Variants in MCTP1 observed in about 807,000 individuals in gnomAD.
MCTP1 encodes multiple C2 and transmembrane domain containing 1.
In MCTP1, 69 loss-of-function variants were observed where a neutral mutation model predicts 120.6. The observed-to-expected ratio is 0.57, with a 90% CI of 0.47 to 0.70. The LOEUF is 0.70. Ranked by LOEUF, MCTP1 falls within the 30% of genes least tolerant of loss-of-function variation. MCTP1 has a pLI of 0.00. For missense variants in MCTP1, 1,203 were observed against 1,248.8 expected (o/e 0.96, Z 0.55); for synonymous variants, 529 against 493.1 (o/e 1.07, Z -0.96).
chr5:95,219,153 G>T (rs758412870), intron 1 of MCTP1, among the ~76,000 whole-genome samples: 1 of 152,048 alleles, frequency 6.6e-6, no homozygotes, highest in Non-Finnish European at 1.5e-5. Flanking sequence ...AGGCCAAGGC[G>T]GGTGGATCAT....
At chr5:94,967,460 C>T (rs1825887641) in intron 2 of MCTP1, among the ~76,000 whole-genome samples, 1 of 152,160 alleles carries the variant, frequency 6.6e-6, no homozygotes, top group South Asian at 2.1e-4. Context: ...AACTAGGCTG[C>T]TGGAACCTGA....
chr5:94,767,585 A>G (rs983294324), intron 19 of MCTP1, among the ~76,000 whole-genome samples: 1 of 152,200 alleles, frequency 6.6e-6, no homozygotes, highest in African/African-American at 2.4e-5. Flanking sequence ...CAAAATCAAC[A>G]TACAAAAATC....
At chr5:95,127,168 T>C (rs1009971910) in intron 1 of MCTP1, among the ~76,000 whole-genome samples, 18 of 152,284 alleles carry the variant, frequency 1.2e-4, no homozygotes, top group African/African-American at 4.1e-4. Flanking sequence ...TAAAATATTC[T>C]TGAAGGGTCC....
chr5:95,146,646 G>T (rs1582362512), intron 1 of MCTP1, among the ~76,000 whole-genome samples: 1 of 152,070 alleles, frequency 6.6e-6, no homozygotes, highest in East Asian at 1.9e-4. Context: ...GTTCACCCAA[G>T]AGTTACTTCA....
In MCTP1 at chr5:94,962,110, C is replaced by T. The variant is rs145881777; in HGVS notation, c.839-8749G>A. On this transcript the variant is annotated intron_variant, in intron 2 of 22. Coordinates refer to ENST00000515393, the MANE Select transcript of MCTP1 (RefSeq NM_024717.7). ...ACAGTGCAATGCCACCTTACTCCTG[C>T]GCAAATGGCTATAATAATAATAAAA... Among the ~76,000 whole-genome samples the T allele has an allele frequency of 7.0e-4, 106 of 150,660 alleles. No individual in the cohort carries two copies. In the East Asian group the frequency reaches 7.2e-3, roughly 10 times the overall value.
intron 1 of MCTP1, among the ~76,000 whole-genome samples, chr5:95,191,105 C>T (rs532958129): frequency 1.5e-4 from 23 of 151,986 alleles, no homozygotes; most frequent in African/African-American, 5.5e-4. Context: ...ATATAAATTG[C>T]TAACTATTCT....
chr5:94,733,201 G>T (rs1561543088), intron 19 of MCTP1, among the ~76,000 whole-genome samples: 1 of 152,178 alleles, frequency 6.6e-6, no homozygotes, highest in Non-Finnish European at 1.5e-5. Context: ...AGAACAGGGA[G>T]AGCAAAGAAT....
intron 1 of MCTP1, among the ~76,000 whole-genome samples, chr5:95,212,275 A>C (rs1249966238): frequency 6.6e-6 from 1 of 152,124 alleles, no homozygotes; most frequent in South Asian, 2.1e-4. Flanking sequence ...AGAATGGATA[A>C]ATTCCTCCAC....
intron 1 of MCTP1, among the ~76,000 whole-genome samples, chr5:95,103,967 C>G (rs1001692374): frequency 6.6e-6 from 1 of 152,146 alleles, no homozygotes; most frequent in Non-Finnish European, 1.5e-5. Context: ...AGTGCCTGTC[C>G]ATTCCTGTGA....
chr5:95,121,155 G>A (rs938814661), intron 1 of MCTP1, among the ~76,000 whole-genome samples: 1 of 151,842 alleles, frequency 6.6e-6, no homozygotes, highest in Admixed American at 6.6e-5. Flanking sequence ...GCGGGTGCCT[G>A]TAGTCCCAGC....
rs114975133 is a variant in MCTP1, at chr5:94,757,954, G to A, written c.2610+21156C>T. On this transcript the variant is annotated intron_variant, in intron 19 of 22. Transcript: ENST00000515393. ...AAGGGAGTCTTGGGAAACAGGCACT[G>A]CCAAGGAGGAGGATCAAGTGAAGTT... 6.3e-3 allele frequency among the ~76,000 whole-genome samples: 965 copies of A among 152,282 alleles called. 10 individuals carry two copies. The highest frequency in any genetic ancestry group is 0.021 in the African/African-American group (881 of 41,560).
intron 1 of MCTP1, among the ~76,000 whole-genome samples, chr5:95,110,566 T>G (rs947550877): frequency 6.6e-6 from 1 of 152,130 alleles, no homozygotes; most frequent in African/African-American, 2.4e-5. Flanking sequence ...CCTGAAATTG[T>G]GGGGTTTATT....
At chr5:95,066,557 T>A (rs189074817) in intron 1 of MCTP1, among the ~76,000 whole-genome samples, 1 of 152,332 alleles carries the variant, frequency 6.6e-6, no homozygotes, top group Non-Finnish European at 1.5e-5. Flanking sequence ...ATTGCAGTAC[T>A]ATTTACAATC....
intron 2 of MCTP1, among the ~76,000 whole-genome samples, chr5:94,984,153 C>A (rs1314251231): frequency 6.6e-6 from 1 of 152,178 alleles, no homozygotes; most frequent in African/African-American, 2.4e-5. Flanking sequence ...ATGTCAGTAT[C>A]CTCCATAAGT....
At chr5:94,820,224 A>T (rs1174331231) in intron 17 of MCTP1, among the ~76,000 whole-genome samples, 3 of 152,218 alleles carry the variant, frequency 2.0e-5, no homozygotes, top group Non-Finnish European at 4.4e-5. Flanking sequence ...GTATTAAAAA[A>T]TAGCTCGAGA....
chr5:94,918,986 A>C (rs469061), intron 7 of MCTP1, among the ~76,000 whole-genome samples: 109,868 of 151,990 alleles, frequency 0.72, 40,697 homozygotes, highest in East Asian at 0.87. Flanking sequence ...TTCCACCCCC[A>C]ACCCATGTCT....
chr5:94,962,726 G>C (rs1348939165), intron 2 of MCTP1, among the ~76,000 whole-genome samples: 1 of 151,880 alleles, frequency 6.6e-6, no homozygotes, highest in Non-Finnish European at 1.5e-5. Context: ...AGGGGGAAAG[G>C]CTGGGAAGGC....
At chr5:94,780,269 GTT>G (rs5869651) in intron 18 of MCTP1, among the ~76,000 whole-genome samples, 5 of 150,288 alleles carry the variant, frequency 3.3e-5, no homozygotes, top group Admixed American at 6.6e-5. Flanking sequence ...TCCTGTTTTT[GTT>G]TTTTTTTTGA....
At chr5:94,974,565 A>G (rs1170496422) in intron 2 of MCTP1, among the ~76,000 whole-genome samples, 13 of 152,116 alleles carry the variant, frequency 8.5e-5, no homozygotes, top group Admixed American at 5.9e-4. Context: ...ATAATAATAC[A>G]TAAGTATACA....
Sources: gnomAD v4.1 joint callset for allele counts (sites outside exome capture counted in the v4.1 genomes callset) on GRCh38, gnomAD v4.1.1 for gene constraint, MANE v1.5 for transcripts, NCBI Gene and HGNC (gene_info 2026-07-23, HGNC 2026-07-21) for gene names.